Variants in SMYD5 observed in about 807,000 individuals in gnomAD.
SMYD5 encodes the protein SMYD family member 5.
SMYD5 carries 35 observed loss-of-function variants against 57.4 expected under a neutral mutation model. That is an observed-to-expected ratio of 0.61 (90% CI 0.47 to 0.81). The LOEUF is 0.81. Ranked by LOEUF, SMYD5 falls within the 30% of genes least tolerant of loss-of-function variation. The probability of loss-of-function intolerance (pLI) is 0.00; values close to 1 mark genes in which losing one functional copy is unlikely to be tolerated. For synonymous variants in SMYD5, 198 were observed against 189.7 expected (o/e 1.04, Z -0.36); for missense variants, 471 against 527.9 (o/e 0.89, Z 1.06).
chr2:73,225,859 G>C lies in SMYD5; in HGVS notation c.1170G>C (p.Val390=), dbSNP rs761362423. The part of the protein sequence containing the change: ...KCLAEADEPN[V]TSEEEEEEEE... ...TGGCAGAGGCTGATGAACCCAATGTGACCTCAGAAGAGGAAGAGGAAGAGG... is the reference window on the plus strand; with the variant it reads ...TGGCAGAGGCTGATGAACCCAATGTCACCTCAGAAGAGGAAGAGGAAGAGG... The change falls in exon 13 of 13, where the codon GTG becomes GTC. Residue 390 remains valine (V), a synonymous_variant. Coordinates refer to ENST00000389501, the MANE Select transcript of SMYD5 (RefSeq NM_006062.3). 12 of 1,614,082 alleles carry C rather than the reference G, an allele frequency of 7.4e-6. No homozygotes were observed. Among genetic ancestry groups the C allele is most frequent in the Middle Eastern group, 1.6e-4 (1 of 6,084 alleles).
At chr2:73,214,575 G>A in intron 1 of SMYD5, 2 of 1,495,860 alleles carry the variant, frequency 1.3e-6, no homozygotes, top group Non-Finnish European at 8.9e-7. Flanking sequence ...GTCTCCGTGC[G>A]CATTTCCTCC....
chr2:73,222,739 G>A lies in SMYD5; in HGVS notation c.643-16G>A, dbSNP rs1177882729. The A allele has an allele frequency of 1.2e-6, 2 of 1,605,666 alleles. No homozygotes were observed. The highest frequency in any genetic ancestry group is 2.7e-5 in the African/African-American group (2 of 74,740). ...TCCCCAGGGATACAAGTCTCTCCCTGCTTCCTCTAATCCAGGGCCAACTGG... is the reference window on the plus strand; with the variant it reads ...TCCCCAGGGATACAAGTCTCTCCCTACTTCCTCTAATCCAGGGCCAACTGG... On this transcript the variant is annotated splice_polypyrimidine_tract_variant and intron_variant, in intron 6 of 12. Transcript: ENST00000389501.
intron 10 of SMYD5, 71 bp downstream of exon 10, chr2:73,224,074 TTTA>T (rs1686456181): frequency 1.5e-5 from 22 of 1,430,480 alleles, no homozygotes; most frequent in African/African-American, 4.2e-5. Flanking sequence ...GCAGCCACAG[TTTA>T]TCTTTCTCAG....
chr2:73,214,699 A>T (rs1277680072), intron 1 of SMYD5: 2 of 1,389,216 alleles, frequency 1.4e-6, no homozygotes, highest in African/African-American at 2.9e-5. Flanking sequence ...GGGCAGAGAG[A>T]ACTGAGGTGT....
At chr2:73,225,152 T>G in intron 11 of SMYD5, 192 bp downstream of exon 11, 1 of 560,936 alleles carries the variant, frequency 1.8e-6, no homozygotes, top group Non-Finnish European at 3.2e-6. Context: ...AAAATATGAC[T>G]CCAGAAAGCC....
intron 5 of SMYD5, among the ~76,000 whole-genome samples, 156 bp downstream of exon 5, chr2:73,221,390 C>T (rs1213327708): frequency 6.6e-6 from 1 of 151,348 alleles, no homozygotes; most frequent in African/African-American, 2.4e-5. Context: ...TCAGAATGCA[C>T]TCTGAAGGCA....
chr2:73,225,656 G>A lies in SMYD5; in HGVS notation c.1061G>A (p.Cys354Tyr). The A allele has an allele frequency of 6.2e-7, 1 of 1,614,196 alleles. No homozygotes were observed. Among genetic ancestry groups the A allele is most frequent in the Non-Finnish European group, 8.5e-7 (1 of 1,180,024 alleles). The change falls in exon 12 of 13, where the codon TGC becomes TAC. Residue 354 changes from cysteine (C) to tyrosine (Y), a missense_variant. Coordinates refer to ENST00000389501, the MANE Select transcript of SMYD5 (RefSeq NM_006062.3). ...GAAATTTGTATCAGCTACTTGGACT[G>A]CTGTCAGCGGGAGCGCAGCCGCCAC... ...GEEICISYLD[C>Y]CQRERSRHSR...
chr2:73,225,909 A>AAGATGCAGAGCTGGGGGATG lies in SMYD5; in HGVS notation c.1226_1245dup (p.Thr416GlnfsTer7). ...GAGGAGGAGGAGGAAGGAGAGCCAG[A>AAGATGCAGAGCTGGGGGATG]AGATGCAGAGCTGGGGGATGAGATG... On this transcript the variant is annotated frameshift_variant, in exon 13 of 13. Transcript: ENST00000389501. LOFTEE classifies it high-confidence loss of function. The AAGATGCAGAGCTGGGGGATG allele has an allele frequency of 6.2e-7, 1 of 1,614,156 alleles. No homozygotes were observed. The highest frequency in any genetic ancestry group is 1.3e-5 in the African/African-American group (1 of 75,056).
At chr2:73,225,231 A>G (rs1175184072) in intron 11 of SMYD5, 1 of 487,306 alleles carries the variant, frequency 2.1e-6, no homozygotes, top group Non-Finnish European at 3.6e-6. Context: ...GGTCAAATGC[A>G]GATATGTAAT....
chr2:73,223,387 T>C (rs1686434908), intron 8 of SMYD5, 39 bp from the exon 9 acceptor site: 2 of 1,428,662 alleles, frequency 1.4e-6, no homozygotes, highest in Non-Finnish European at 2.0e-6. Flanking sequence ...TGACCTGGGC[T>C]TCTGCCTCCC....
chr2:73,219,391 G>A (rs1168633877), intron 2 of SMYD5, among the ~76,000 whole-genome samples: 4 of 152,098 alleles, frequency 2.6e-5, no homozygotes, highest in Admixed American at 1.3e-4. Flanking sequence ...TTTGGGGTCT[G>A]GGGGAGGGGG....
chr2:73,214,734 C>A (rs766480816), intron 1 of SMYD5: 1 of 1,335,164 alleles, frequency 7.5e-7, no homozygotes, highest in South Asian at 1.2e-5. Context: ...TCACGAACTT[C>A]ATGTGTGAGA....
chr2:73,223,213 A>G, intron 8 of SMYD5, 107 bp downstream of exon 8: 1 of 972,226 alleles, frequency 1.0e-6, no homozygotes, highest in Non-Finnish European at 1.7e-6. Flanking sequence ...GACTCTGGAC[A>G]GATCACTGAA....
chr2:73,214,649 T>G, intron 1 of SMYD5: 1 of 1,486,774 alleles, frequency 6.7e-7, no homozygotes, highest in Non-Finnish European at 9.0e-7. Context: ...GCTAGGGGGC[T>G]TTGCTGCTGT....
rs1686500542 is a variant in SMYD5, at chr2:73,226,200, AGGTTCCTCCACTCTAG to A, written c.*259_*274del. The A allele has an allele frequency of 3.8e-6, 2 of 527,872 alleles. No homozygotes were observed. The highest frequency in any genetic ancestry group is 6.7e-6 in the Non-Finnish European group (2 of 299,552). 32.7% of individuals were successfully genotyped at this position (527,872 alleles called of 1,614,324 possible). A position where few individuals can be genotyped will look rare whatever the true frequency, so the allele number is the denominator to read the frequency against. ...GCCTTTCACAACTGGCCTCCCCTTG[AGGTTCCTCCACTCTAG>A]GGTTTGAGGGGCTGGAATCAGGGCC... On this transcript the variant is annotated 3_prime_UTR_variant, in exon 13 of 13. Transcript: ENST00000389501.
intron 1 of SMYD5, among the ~76,000 whole-genome samples, chr2:73,215,348 G>A (rs1053610812): frequency 9.3e-5 from 14 of 150,750 alleles, no homozygotes; most frequent in Admixed American, 6.6e-4. Flanking sequence ...TGTGTGTATG[G>A]TTGGTTCTTG....
At chr2:73,220,926 C>T in intron 4 of SMYD5, 144 bp downstream of exon 4, 1 of 965,014 alleles carries the variant, frequency 1.0e-6, no homozygotes, top group Admixed American at 2.6e-5. Flanking sequence ...TCACATAACC[C>T]TATCCCCTGC....
At position 73,221,827 on chromosome 2, in the gene SMYD5, C is replaced by G; in HGVS notation, c.539C>G (p.Ala180Gly). The G allele has an allele frequency of 2.5e-6, 4 of 1,611,190 alleles. No homozygotes were observed. Among genetic ancestry groups the G allele is most frequent in the Non-Finnish European group, 3.4e-6 (4 of 1,177,436 alleles). Residue 180 changes from alanine to glycine, a missense_variant and splice_region_variant, in exon 6 of 13, where the codon GCG becomes GGG. Coordinates refer to ENST00000389501, the MANE Select transcript of SMYD5 (RefSeq NM_006062.3). ...CTTAAGTATGTTTGTTCACTGCAGG[C>G]GAAGGACAAGGACCGTTGGATCAGA... ...MARMVATVKQAKDKDRWIRLF... is the reference protein window; with the variant it reads ...MARMVATVKQGKDKDRWIRLF...
chr2:73,220,026 T>C, intron 2 of SMYD5, 25 bp from the exon 3 acceptor site: 2 of 1,614,108 alleles, frequency 1.2e-6, no homozygotes, highest in Middle Eastern at 1.6e-4. Context: ...CTCAAGATAT[T>C]GTTGTGTCTG....
Sources: gnomAD v4.1 joint callset for allele counts (sites outside exome capture counted in the v4.1 genomes callset) on GRCh38, gnomAD v4.1.1 for gene constraint, MANE v1.5 for transcripts, NCBI Gene and HGNC (gene_info 2026-07-23, HGNC 2026-07-21) for gene names.